UGT8: variants seen among roughly 807,000 people sequenced by gnomAD.
UGT8 encodes the protein 2-hydroxyacylsphingosine 1-beta-galactosyltransferase.
A neutral mutation model predicts 40.5 loss-of-function variants in UGT8; 12 were observed. The ratio of observed to expected loss-of-function variants is 0.30; its 90% CI spans 0.19 to 0.48. The LOEUF (loss-of-function observed/expected upper bound fraction) is 0.48, where lower values mean the gene tolerates loss of function less well. Ranked by LOEUF, UGT8 falls within the 20% of genes least tolerant of loss-of-function variation. The pLI, the probability that UGT8 is intolerant of heterozygous loss-of-function variation, is 0.99. For missense variants in UGT8, 513 were observed against 648.7 expected, an observed-to-expected ratio of 0.79 and a Z score of 2.27; for synonymous variants, 224 against 240.4, an observed-to-expected ratio of 0.93 and a Z score of 0.63.
intron 1 of UGT8, among the ~76,000 whole-genome samples, chr4:114,612,093 A>G (rs1057266002): frequency 1.3e-5 from 2 of 152,158 alleles, no homozygotes; most frequent in East Asian, 1.9e-4. Context: ...TTTAGTTTAG[A>G]TTTTAAAATG....
At chr4:114,614,299 C>A (rs1348428798) in intron 1 of UGT8, among the ~76,000 whole-genome samples, 2 of 152,094 alleles carry the variant, frequency 1.3e-5, no homozygotes, top group Non-Finnish European at 2.9e-5. Flanking sequence ...ATGAATGTTC[C>A]AGGTGCAAAA....
intron 5 of UGT8, among the ~76,000 whole-genome samples, chr4:114,675,269 G>T (rs966836200): frequency 6.6e-6 from 1 of 152,168 alleles, no homozygotes; most frequent in Admixed American, 6.5e-5. Flanking sequence ...GTTGAAACTT[G>T]TTGATTTATA....
At chr4:114,606,237 A>T (rs1399882188) in intron 1 of UGT8, among the ~76,000 whole-genome samples, 1 of 152,174 alleles carries the variant, frequency 6.6e-6, no homozygotes, top group Admixed American at 6.5e-5. Flanking sequence ...GAGGAGAGGC[A>T]TCAACAGGAA....
intron 2 of UGT8, 122 bp downstream of exon 2, chr4:114,623,824 AGGACATG>A: frequency 1.5e-6 from 2 of 1,327,854 alleles, no homozygotes; most frequent in Non-Finnish European, 2.0e-6. Flanking sequence ...AAAGGTGATT[AGGACATG>A]GGGCCTCCAA....
chr4:114,615,162 G>A (rs1476468613), intron 1 of UGT8, among the ~76,000 whole-genome samples: 1 of 151,574 alleles, frequency 6.6e-6, no homozygotes. Flanking sequence ...TTCACATGGT[G>A]GGATATGAGT....
chr4:114,662,049 T>C (rs1011455988), intron 2 of UGT8, among the ~76,000 whole-genome samples: 4 of 152,228 alleles, frequency 2.6e-5, no homozygotes, highest in African/African-American at 9.6e-5. Flanking sequence ...ACTTGGTAAA[T>C]GTAGCAGAAT....
chr4:114,623,773 T>A, intron 2 of UGT8, 71 bp downstream of exon 2: 1 of 1,479,440 alleles, frequency 6.8e-7, no homozygotes, highest in African/African-American at 1.4e-5. Context: ...GGAAGAGATA[T>A]GATTTGTTAT....
At chr4:114,656,898 G>C in intron 2 of UGT8, 1 of 461,000 alleles carries the variant, frequency 2.2e-6, no homozygotes, top group South Asian at 1.6e-5. Flanking sequence ...TCTGAAGACA[G>C]AACATTTTGT....
chr4:114,668,819 C>T (rs763590209), intron 5 of UGT8, among the ~76,000 whole-genome samples: 2 of 152,058 alleles, frequency 1.3e-5, no homozygotes, highest in Admixed American at 6.6e-5. Context: ...TGCAGAAATA[C>T]GGAGATTTAT....
rs1732525166 is a variant in UGT8 at position 114,630,815 on chromosome 4, C to T, written c.822+7113C>T. Among the ~76,000 whole-genome samples, 3 of 152,292 alleles carry T rather than the reference C, an allele frequency of 2.0e-5. No homozygotes were observed. The South Asian group carries it at 6.2e-4, about 32-fold the overall frequency. ...TTAAGGGAGTAGCTTCATCAGAATG[C>T]TGGCTTCTTTAACCTCTGGGACACT... On this transcript the variant is annotated intron_variant, in intron 2 of 5. Transcript: ENST00000310836.
intron 2 of UGT8, among the ~76,000 whole-genome samples, chr4:114,634,387 A>G (rs545256541): frequency 3.3e-5 from 5 of 152,210 alleles, no homozygotes; most frequent in African/African-American, 9.7e-5. Flanking sequence ...CCAAGAGATT[A>G]TAGTAAAGCC....
chr4:114,658,681 T>A (rs571694406), intron 2 of UGT8, among the ~76,000 whole-genome samples: 2 of 149,778 alleles, frequency 1.3e-5, no homozygotes, highest in South Asian at 4.4e-4. Context: ...TGCATTGGGA[T>A]GTGTTTTACA....
At chr4:114,598,648 G>A (rs1730233253), upstream of UGT8, 1 of 152,170 alleles carries the variant, frequency 6.6e-6, no homozygotes, top group African/African-American at 2.4e-5. Flanking sequence ...AGCCAAGTGC[G>A]GAAGGGCAGC....
chr4:114,635,375 A>G (rs548816173), intron 2 of UGT8, among the ~76,000 whole-genome samples: 174 of 150,482 alleles, frequency 1.2e-3, no homozygotes, highest in Middle Eastern at 0.011. Context: ...TCAAGCCACC[A>G]TATTATTTGA....
intron 2 of UGT8, among the ~76,000 whole-genome samples, chr4:114,626,095 G>T (rs572078227): frequency 1.2e-4 from 19 of 152,248 alleles, no homozygotes; most frequent in East Asian, 5.8e-4. Context: ...TTTCATTTCA[G>T]AATGTTATTT....
chr4:114,656,201 T>A (rs1734176104), intron 2 of UGT8, among the ~76,000 whole-genome samples: 1 of 152,168 alleles, frequency 6.6e-6, no homozygotes, highest in Non-Finnish European at 1.5e-5. Flanking sequence ...AATTGGAAGC[T>A]ATGTAAATAT....
intron 2 of UGT8, among the ~76,000 whole-genome samples, chr4:114,627,846 G>C (rs1318787442): frequency 1.3e-5 from 2 of 152,102 alleles, no homozygotes; most frequent in Non-Finnish European, 2.9e-5. Context: ...GTTTGCTGTT[G>C]TTGTACTGTT....
In UGT8 at chr4:114,677,936, A is replaced by T. The variant is rs1423244118; in HGVS notation, c.*1648A>T. 1 of 152,232 alleles carries T rather than the reference A, an allele frequency of 6.6e-6. No individual in the cohort carries two copies. The highest frequency in any genetic ancestry group is 1.5e-5 in the Non-Finnish European group (1 of 68,046). 9.4% of individuals were successfully genotyped at this position (152,232 alleles called of 1,614,324 possible). A position where few individuals can be genotyped will look rare whatever the true frequency, so the allele number is the denominator to read the frequency against. ...TGTCACAAGTAGTTTTCTAATGTAC[A>T]ATGCAGACAAATGTACTGCTCTCTG... On this transcript the variant is annotated 3_prime_UTR_variant, in exon 6 of 6. Transcript: ENST00000310836.
At chr4:114,626,772 AT>A (rs1436335221) in intron 2 of UGT8, among the ~76,000 whole-genome samples, 1 of 152,178 alleles carries the variant, frequency 6.6e-6, no homozygotes, top group Non-Finnish European at 1.5e-5. Context: ...AATTTTAGTC[AT>A]TTACTTACTT....
Sources: gnomAD v4.1 joint callset for allele counts (sites outside exome capture counted in the v4.1 genomes callset) on GRCh38, gnomAD v4.1.1 for gene constraint, MANE v1.5 for transcripts, NCBI Gene and HGNC (gene_info 2026-07-23, HGNC 2026-07-21) for gene names.